Variants in WDR70 observed in about 807,000 individuals in gnomAD.
The protein encoded by WDR70 is WD repeat-containing protein 70.
WDR70 carries 53 observed loss-of-function variants against 88.6 expected under a neutral mutation model. That is an observed-to-expected ratio of 0.60 (90% CI 0.48 to 0.75). The LOEUF (loss-of-function observed/expected upper bound fraction) is 0.75. Ranked by LOEUF, WDR70 falls within the 30% of genes least tolerant of loss-of-function variation. The pLI, the probability that WDR70 is intolerant of heterozygous loss-of-function variation, is 0.00. For missense variants in WDR70, 610 were observed against 823.2 expected (o/e 0.74, Z 3.17); for synonymous variants, 280 against 270.0 (o/e 1.04, Z -0.36).
intron 7 of WDR70, among the ~76,000 whole-genome samples, chr5:37,444,602 C>G (rs1291277208): frequency 6.6e-6 from 1 of 152,044 alleles, no homozygotes; most frequent in Admixed American, 6.6e-5. Flanking sequence ...CTCGTCTTCC[C>G]AAAGTGCTGG....
chr5:37,407,674 CTTT>C (rs920238067), intron 5 of WDR70, among the ~76,000 whole-genome samples: 1 of 149,176 alleles, frequency 6.7e-6, no homozygotes, highest in Non-Finnish European at 1.5e-5. Flanking sequence ...GCTATCTGTG[CTTT>C]TTTTTTTCCT....
At chr5:37,497,126 TTTTC>T (rs1277239190) in intron 8 of WDR70, among the ~76,000 whole-genome samples, 5 of 152,012 alleles carry the variant, frequency 3.3e-5, no homozygotes, top group Admixed American at 6.5e-5. Flanking sequence ...CTATAAATTA[TTTTC>T]TTTCTTTTCT....
chr5:37,449,870 T>C (rs1282706351), intron 7 of WDR70, among the ~76,000 whole-genome samples: 1 of 152,144 alleles, frequency 6.6e-6, no homozygotes, highest in African/African-American at 2.4e-5. Flanking sequence ...TCTACATAGC[T>C]ATTTCTCCTA....
intron 17 of WDR70, among the ~76,000 whole-genome samples, chr5:37,745,139 A>T (rs889864530): frequency 6.6e-6 from 1 of 152,148 alleles, no homozygotes. Context: ...AAAGGAAAGA[A>T]TTTTCAACCC....
intron 10 of WDR70, among the ~76,000 whole-genome samples, chr5:37,681,860 G>GTTCA (rs1427974515): frequency 6.6e-6 from 1 of 152,100 alleles, no homozygotes; most frequent in Non-Finnish European, 1.5e-5. Flanking sequence ...TTGCATTGAT[G>GTTCA]TTCATCAAGG....
intron 5 of WDR70, among the ~76,000 whole-genome samples, chr5:37,401,779 TTTTTTAATTGACAGATTA>T (rs1749203282): frequency 6.6e-6 from 1 of 152,188 alleles, no homozygotes; most frequent in Non-Finnish European, 1.5e-5. Flanking sequence ...TTTAAGGATT[TTTTTTAATTGACAGATTA>T]TTTTTAATTG....
chr5:37,389,775 G>T (rs956330765), intron 3 of WDR70, among the ~76,000 whole-genome samples: 1 of 152,048 alleles, frequency 6.6e-6, no homozygotes, highest in Non-Finnish European at 1.5e-5. Context: ...GCATCAGAGT[G>T]CAGAATTGTT....
chr5:37,649,670 A>T (rs1423598430), intron 10 of WDR70, among the ~76,000 whole-genome samples: 1 of 149,480 alleles, frequency 6.7e-6, no homozygotes, highest in Non-Finnish European at 1.5e-5. Context: ...ATGAAAAGTT[A>T]TAGTACATAT....
rs192089781 is a variant in WDR70 at position 37,656,084 on chromosome 5, C to T, written c.1093-41571C>T. Among the ~76,000 whole-genome samples, 96 of 151,788 alleles carry T rather than the reference C, an allele frequency of 6.3e-4. 2 individuals are homozygous for T. The East Asian group carries it at 0.015, about 24-fold the overall frequency. Reference sequence around the variant, plus strand: ...TTTTTCATCTGTGAGGATTTATCTACCTTTGGTCTTTGATGCTGATGCCCT... The same window carrying T: ...TTTTTCATCTGTGAGGATTTATCTATCTTTGGTCTTTGATGCTGATGCCCT... On this transcript the variant is annotated intron_variant, in intron 10 of 17. Transcript: ENST00000265107.
intron 10 of WDR70, chr5:37,688,032 G>A: frequency 1.6e-6 from 1 of 631,472 alleles, no homozygotes; most frequent in Non-Finnish European, 2.9e-6. Context: ...TTTGTTTACT[G>A]GTATATATAT....
At chr5:37,489,516 T>A (rs916579159) in intron 8 of WDR70, among the ~76,000 whole-genome samples, 4 of 152,118 alleles carry the variant, frequency 2.6e-5, no homozygotes, top group Non-Finnish European at 5.9e-5. Context: ...TGAGCAACCT[T>A]GTCCTCCAGC....
intron 9 of WDR70, among the ~76,000 whole-genome samples, chr5:37,589,738 A>G (rs772564904): frequency 1.3e-5 from 2 of 151,880 alleles, no homozygotes; most frequent in African/African-American, 2.4e-5. Flanking sequence ...CTGCAAAAAT[A>G]CAAGAATTAG....
At chr5:37,690,270 C>A (rs1471169125) in intron 10 of WDR70, among the ~76,000 whole-genome samples, 1 of 152,144 alleles carries the variant, frequency 6.6e-6, no homozygotes, top group East Asian at 1.9e-4. Context: ...AGAATGGAAC[C>A]AAGTTGGAAA....
chr5:37,623,573 C>T (rs902678037), intron 10 of WDR70, among the ~76,000 whole-genome samples: 2 of 152,074 alleles, frequency 1.3e-5, no homozygotes, highest in African/African-American at 4.8e-5. Flanking sequence ...TTATTTGGAA[C>T]TTTTATACTA....
chr5:37,443,117 T>G (rs577179872), intron 6 of WDR70, 122 bp from the exon 7 acceptor site: 1 of 1,001,976 alleles, frequency 1.0e-6, no homozygotes, highest in Non-Finnish European at 1.4e-6. Context: ...TAACAATAGT[T>G]GGTGGTTTGT....
intron 9 of WDR70, among the ~76,000 whole-genome samples, chr5:37,600,295 A>G (rs1186235028): frequency 6.6e-6 from 1 of 152,178 alleles, no homozygotes; most frequent in African/African-American, 2.4e-5. Context: ...TGGGAGGCTG[A>G]TGCGGGTGGA....
chr5:37,735,044 T>G (rs530487643), intron 17 of WDR70, among the ~76,000 whole-genome samples: 4 of 152,296 alleles, frequency 2.6e-5, no homozygotes, highest in African/African-American at 9.6e-5. Flanking sequence ...TTTGATAGAA[T>G]TCACCTGTAA....
chr5:37,559,356 A>ACT (rs547367778), intron 9 of WDR70, among the ~76,000 whole-genome samples: 1 of 150,220 alleles, frequency 6.7e-6, no homozygotes, highest in Non-Finnish European at 1.5e-5. Context: ...CTACTCTTCC[A>ACT]CTCTCTCTCT....
intron 10 of WDR70, among the ~76,000 whole-genome samples, chr5:37,666,700 G>A (rs1299565465): frequency 6.6e-6 from 1 of 152,098 alleles, no homozygotes; most frequent in Admixed American, 6.5e-5. Flanking sequence ...TGCAAATGAG[G>A]GTCAGAGCAG....
Sources: allele counts gnomAD v4.1 joint callset (sites outside exome capture counted in the v4.1 genomes callset), GRCh38; gene constraint gnomAD v4.1.1; transcripts MANE v1.5; gene names NCBI Gene and HGNC (gene_info 2026-07-23, HGNC 2026-07-21).